The following TBC1D19 variants were observed in gnomAD, a reference collection of about 807,000 sequenced individuals.
TBC1D19 encodes TBC1 domain family member 19.
A neutral mutation model predicts 89.0 loss-of-function variants in TBC1D19; 60 were observed. The observed-to-expected ratio is 0.67, with a 90% CI of 0.55 to 0.84. The LOEUF is 0.84. Ranked by LOEUF, TBC1D19 falls within the 40% of genes least tolerant of loss-of-function variation. TBC1D19 has a pLI of 0.00. For missense variants in TBC1D19, 500 were observed against 610.8 expected, an observed-to-expected ratio of 0.82 and a Z score of 1.91; for synonymous variants, 189 against 199.7, an observed-to-expected ratio of 0.95 and a Z score of 0.45.
At chr4:26,735,010 A>ATATGTATATATGTATACACATATG (rs1560503954) in intron 15 of TBC1D19, among the ~76,000 whole-genome samples, 3 of 151,206 alleles carry the variant, frequency 2.0e-5, no homozygotes, top group Non-Finnish European at 4.4e-5. Flanking sequence ...ACACATATGT[A>ATATGTATATATGTATACACATATG]TATGTGTATA....
intron 1 of TBC1D19, among the ~76,000 whole-genome samples, chr4:26,594,765 C>T (rs940096562): frequency 6.6e-6 from 1 of 152,170 alleles, no homozygotes; most frequent in East Asian, 1.9e-4. Flanking sequence ...TGAGCCGGTG[C>T]ACCTAAATAA....
intron 13 of TBC1D19, among the ~76,000 whole-genome samples, chr4:26,698,106 G>A (rs1714975158): frequency 6.6e-6 from 1 of 152,158 alleles, no homozygotes; most frequent in African/African-American, 2.4e-5. Flanking sequence ...TGTATATTTA[G>A]AAAACCCCAT....
rs746123519 is a variant in TBC1D19, at chr4:26,640,207, TAC to T, written c.480+24_480+25del. 1 of 1,549,558 alleles carries T rather than the reference TAC, an allele frequency of 6.5e-7. No homozygotes were observed. The highest frequency in any genetic ancestry group is 2.3e-5 in the East Asian group (1 of 44,370). On this transcript the variant is annotated intron_variant, in intron 7 of 20. Coordinates refer to ENST00000264866, the MANE Select transcript of TBC1D19 (RefSeq NM_018317.4). ...CTTGAGGTAGGTTCTATTGGATAAA[TAC>T]ACATATATTAATGAATGAATAATGT...
chr4:26,743,862 A>G (rs1255915985), intron 18 of TBC1D19, among the ~76,000 whole-genome samples: 2 of 151,622 alleles, frequency 1.3e-5, no homozygotes, highest in Non-Finnish European at 3.0e-5. Flanking sequence ...TAGGATGAAG[A>G]CATTTAGTTC....
intron 20 of TBC1D19, 197 bp downstream of exon 20, chr4:26,754,087 A>G (rs912223502): frequency 1.9e-6 from 1 of 537,612 alleles, no homozygotes; most frequent in Admixed American, 3.0e-5. Context: ...CTTCTTATGA[A>G]GGAGTAATAA....
intron 15 of TBC1D19, among the ~76,000 whole-genome samples, chr4:26,725,081 C>T (rs1317269894): frequency 6.6e-6 from 1 of 152,152 alleles, no homozygotes; most frequent in Non-Finnish European, 1.5e-5. Context: ...CACACAACCA[C>T]AATATTTTGA....
intron 7 of TBC1D19, among the ~76,000 whole-genome samples, chr4:26,654,933 G>A (rs1172215622): frequency 6.6e-6 from 1 of 152,126 alleles, no homozygotes; most frequent in Non-Finnish European, 1.5e-5. Flanking sequence ...GCATTCCTTT[G>A]GAGGGGGAAA....
chr4:26,639,030 G>A (rs915454343), intron 6 of TBC1D19, among the ~76,000 whole-genome samples, 196 bp downstream of exon 6: 1 of 152,102 alleles, frequency 6.6e-6, no homozygotes, highest in African/African-American at 2.4e-5. Flanking sequence ...AATAAATACA[G>A]ACATCAGGAG....
chr4:26,750,574 G>C (rs1336484161), intron 19 of TBC1D19, among the ~76,000 whole-genome samples: 1 of 152,078 alleles, frequency 6.6e-6, no homozygotes, highest in Non-Finnish European at 1.5e-5. Context: ...AATGTATGTT[G>C]AATACTGTAT....
chr4:26,586,561 AT>A (rs148203866), intron 1 of TBC1D19, among the ~76,000 whole-genome samples: 3,656 of 152,186 alleles, frequency 0.024, 129 homozygotes, highest in African/African-American at 0.082. Flanking sequence ...GAGAATCGAG[AT>A]TTTTAGCAAT....
rs553865912 is a variant in TBC1D19, at chr4:26,672,329, T to C, written c.703+142T>C. 4 of 648,362 alleles carry C rather than the reference T, an allele frequency of 6.2e-6. No individual in the cohort carries two copies. The South Asian group carries it at 7.5e-5, about 12-fold the overall frequency. 40.2% of individuals were successfully genotyped at this position (648,362 alleles called of 1,614,324 possible). A position where few individuals can be genotyped will look rare whatever the true frequency, so the allele number is the denominator to read the frequency against. On this transcript the variant is annotated intron_variant, in intron 10 of 20. Transcript: ENST00000264866. ...AGGGGTAATATTTAACCATGTAGAT[T>C]ACATAATGAGAATCTTTATAAGTAG... is the stretch of plus-strand genomic sequence containing the variant.
chr4:26,582,068 T>C (rs1264453955), upstream of TBC1D19, among the ~76,000 whole-genome samples: 1 of 152,092 alleles, frequency 6.6e-6, no homozygotes, highest in Non-Finnish European at 1.5e-5. Context: ...TTTAACAAAA[T>C]TATTTAAGTC....
At chr4:26,772,542 T>A in the TBC1D19 span, among the ~76,000 whole-genome samples, 2 of 152,072 alleles carry the variant, frequency 1.3e-5, no homozygotes, top group Non-Finnish European at 2.9e-5. Context: ...GCCATGGTGG[T>A]TTGCTGCACA....
chr4:26,584,142 C>A lies in TBC1D19; in HGVS notation c.-52C>A. The A allele has an allele frequency of 2.5e-6, 4 of 1,569,110 alleles. No individual in the cohort carries two copies. The highest frequency in any genetic ancestry group is 1.2e-5 in the South Asian group (1 of 86,204). On this transcript the variant is annotated 5_prime_UTR_variant, in exon 1 of 21. Coordinates refer to ENST00000264866, the MANE Select transcript of TBC1D19 (RefSeq NM_018317.4). ...CCTGAGTGGGACCCGGTAGCCCGTT[C>A]GCTCCGCGCCGGCGGCCTGTCCCCG...
At chr4:26,858,450 GAAAACAAAAGCGTGGAGGTGGGAAAGGA>G in the TBC1D19 span, 1 of 152,338 alleles carries the variant, frequency 6.6e-6, no homozygotes, top group Non-Finnish European at 1.5e-5. Flanking sequence ...AAGGGAAAGG[GAAAACAAAAGCGTGGAGGTGGGAAAGGA>G]AACCTGGGGA....
At chr4:26,800,113 G>A in the TBC1D19 span, among the ~76,000 whole-genome samples, 6 of 151,978 alleles carry the variant, frequency 3.9e-5, no homozygotes, top group Admixed American at 3.3e-4. Context: ...CCATTGACTC[G>A]TCATTTAGCA....
chr4:26,713,319 C>G (rs1162341870), intron 13 of TBC1D19, among the ~76,000 whole-genome samples: 1 of 151,860 alleles, frequency 6.6e-6, no homozygotes, highest in Non-Finnish European at 1.5e-5. Flanking sequence ...TGTTTTGCAA[C>G]TTAATATTCA....
At chr4:26,607,879 C>T (rs1741110355) in intron 1 of TBC1D19, among the ~76,000 whole-genome samples, 2 of 152,152 alleles carry the variant, frequency 1.3e-5, no homozygotes, top group African/African-American at 2.4e-5. Context: ...TCTGGGCTTG[C>T]ACATGTGTGC....
At chr4:26,753,693 G>T in intron 19 of TBC1D19, 127 bp from the exon 20 acceptor site, 1 of 852,474 alleles carries the variant, frequency 1.2e-6, no homozygotes, top group Non-Finnish European at 1.9e-6. Context: ...AGAATGCGGG[G>T]GTGTGGTCCG....
Sources: gnomAD v4.1 joint callset for allele counts (sites outside exome capture counted in the v4.1 genomes callset) on GRCh38, gnomAD v4.1.1 for gene constraint, MANE v1.5 for transcripts, NCBI Gene and HGNC (gene_info 2026-07-23, HGNC 2026-07-21) for gene names.